The following RTN4RL1 variants were observed in gnomAD, a reference collection of about 807,000 sequenced individuals.
RTN4RL1 encodes reticulon-4 receptor-like 1.
In RTN4RL1, 7 loss-of-function variants were observed where a neutral mutation model predicts 25.6. The observed-to-expected ratio is 0.27, with a 90% CI of 0.16 to 0.51. The LOEUF (loss-of-function observed/expected upper bound fraction) is 0.51. RTN4RL1 is among the 20% of genes least tolerant of loss of function. The pLI, the probability that RTN4RL1 is intolerant of heterozygous loss-of-function variation, is 0.97. For synonymous variants in RTN4RL1, 297 were observed against 288.2 expected (o/e 1.03, Z -0.31); for missense variants, 500 against 615.6 (o/e 0.81, Z 1.99).
intron 1 of RTN4RL1, among the ~76,000 whole-genome samples, chr17:1,967,878 T>G (rs778052280): frequency 7.2e-5 from 11 of 152,154 alleles, no homozygotes; most frequent in Non-Finnish European, 1.2e-4. Flanking sequence ...TGACCTCAGG[T>G]GATCCACTCG....
intron 1 of RTN4RL1, among the ~76,000 whole-genome samples, chr17:1,955,158 G>A (rs1381461111): frequency 6.6e-6 from 1 of 152,196 alleles, no homozygotes; most frequent in African/African-American, 2.4e-5. Flanking sequence ...CCAGGAGGTT[G>A]AGCCCAGGTA....
chr17:1,944,135 G>A (rs1915491422), intron 1 of RTN4RL1, among the ~76,000 whole-genome samples: 2 of 152,126 alleles, frequency 1.3e-5, no homozygotes, highest in South Asian at 2.1e-4. Flanking sequence ...ATGTTCCCCA[G>A]GCTGGTCTTG....
chr17:1,997,871 G>C (rs1242138063), intron 1 of RTN4RL1, among the ~76,000 whole-genome samples: 1 of 152,186 alleles, frequency 6.6e-6, no homozygotes, highest in Non-Finnish European at 1.5e-5. Context: ...CCCAGCTGAC[G>C]CCCTCTGAGA....
At chr17:1,951,486 C>G (rs919105692) in intron 1 of RTN4RL1, among the ~76,000 whole-genome samples, 1 of 151,630 alleles carries the variant, frequency 6.6e-6, no homozygotes, top group East Asian at 2.0e-4. Context: ...GAGTCTCGCT[C>G]TGTCTCACAG....
intron 1 of RTN4RL1, among the ~76,000 whole-genome samples, chr17:1,976,823 C>T (rs911888264): frequency 6.6e-6 from 1 of 152,192 alleles, no homozygotes; most frequent in African/African-American, 2.4e-5. Context: ...TCGGCTGGGA[C>T]TCAACTTGTC....
At chr17:1,967,937 G>C (rs1401822005) in intron 1 of RTN4RL1, among the ~76,000 whole-genome samples, 1 of 152,074 alleles carries the variant, frequency 6.6e-6, no homozygotes, top group African/African-American at 2.4e-5. Flanking sequence ...CATCGGGCCC[G>C]GCCTCCAGTC....
At chr17:2,018,121 C>T (rs1055392398) in intron 1 of RTN4RL1, 3 of 152,638 alleles carry the variant, frequency 2.0e-5, no homozygotes, top group African/African-American at 7.2e-5. Flanking sequence ...GGGAGCACTA[C>T]AAGGCAAGAG....
chr17:1,979,859 C>T (rs1370104605), intron 1 of RTN4RL1, among the ~76,000 whole-genome samples: 2 of 152,168 alleles, frequency 1.3e-5, no homozygotes, highest in African/African-American at 4.8e-5. Context: ...GCAGGCCAAG[C>T]GTGAAAGTGC....
chr17:1,967,606 C>T (rs917738884), intron 1 of RTN4RL1, among the ~76,000 whole-genome samples: 1 of 152,092 alleles, frequency 6.6e-6, no homozygotes, highest in Non-Finnish European at 1.5e-5. Flanking sequence ...CATGCAGACT[C>T]CTGCTGTTGC....
intron 1 of RTN4RL1, among the ~76,000 whole-genome samples, chr17:1,974,999 T>G (rs920102867): frequency 6.6e-6 from 1 of 152,216 alleles, no homozygotes; most frequent in Non-Finnish European, 1.5e-5. Flanking sequence ...CACTACCATC[T>G]TTCCATGGGG....
rs536641364 is a variant in RTN4RL1, at chr17:2,002,386, G to A, written c.13+22467C>T. Among the ~76,000 whole-genome samples, 1,395 of 150,604 alleles carry A rather than the reference G, an allele frequency of 9.3e-3. 18 individuals are homozygous for A. The highest frequency in any genetic ancestry group is 0.032 in the African/African-American group (1,308 of 40,900). On this transcript the variant is annotated intron_variant, in intron 1 of 1. Coordinates refer to ENST00000331238, the MANE Select transcript of RTN4RL1 (RefSeq NM_178568.4). ...CGGCTCACTGCAAGCTCCGCCTCCC[G>A]GGTTCACGCCATTCTCCTGCCTCAG...
intron 1 of RTN4RL1, among the ~76,000 whole-genome samples, chr17:2,004,089 C>A (rs1310704021): frequency 6.9e-6 from 1 of 144,836 alleles, no homozygotes; most frequent in East Asian, 2.1e-4. Context: ...AAAAAGCAGG[C>A]CGGGCGCGGT....
intron 1 of RTN4RL1, among the ~76,000 whole-genome samples, chr17:2,023,165 G>A (rs895271150): frequency 5.3e-5 from 8 of 152,324 alleles, no homozygotes; most frequent in African/African-American, 1.9e-4. Context: ...AGACATGGCG[G>A]CCTCTCAGAG....
At chr17:1,946,497 C>CG (rs1256773660) in intron 1 of RTN4RL1, among the ~76,000 whole-genome samples, 1 of 151,662 alleles carries the variant, frequency 6.6e-6, no homozygotes, top group Non-Finnish European at 1.5e-5. Flanking sequence ...TGTGGGTGCA[C>CG]GGGGTCTGCG....
At chr17:1,955,547 C>T (rs1915773425) in intron 1 of RTN4RL1, among the ~76,000 whole-genome samples, 1 of 150,328 alleles carries the variant, frequency 6.7e-6, no homozygotes. Flanking sequence ...CAGAGTGAGA[C>T]CCTATCTCAA....
chr17:1,938,876 C>A (rs1250341547), intron 1 of RTN4RL1, among the ~76,000 whole-genome samples: 1 of 151,296 alleles, frequency 6.6e-6, no homozygotes. Flanking sequence ...CATGGTGAAA[C>A]CCTGTCTCTA....
At chr17:1,982,352 C>A (rs545609352) in intron 1 of RTN4RL1, among the ~76,000 whole-genome samples, 12 of 151,814 alleles carry the variant, frequency 7.9e-5, no homozygotes, top group South Asian at 4.2e-4. Context: ...GTGCCTCGCG[C>A]CTGTAATCCC....
chr17:2,004,733 C>A (rs1259207643), intron 1 of RTN4RL1, among the ~76,000 whole-genome samples: 1 of 152,200 alleles, frequency 6.6e-6, no homozygotes, highest in Non-Finnish European at 1.5e-5. Context: ...AACAGGGTGG[C>A]CCCCTCCACC....
chr17:2,017,164 G>A (rs1379365478), intron 1 of RTN4RL1, among the ~76,000 whole-genome samples: 1 of 152,178 alleles, frequency 6.6e-6, no homozygotes, highest in East Asian at 1.9e-4. Flanking sequence ...GCTGGTCCTG[G>A]TGCCCAGAAA....
Sources: gnomAD v4.1 joint callset for allele counts (sites outside exome capture counted in the v4.1 genomes callset) on GRCh38, gnomAD v4.1.1 for gene constraint, MANE v1.5 for transcripts, NCBI Gene and HGNC (gene_info 2026-07-23, HGNC 2026-07-21) for gene names.